TMEM86A: variants seen among roughly 807,000 people sequenced by gnomAD.
TMEM86A encodes lysoplasmalogenase TMEM86A.
Under a neutral mutation model 19.8 loss-of-function variants are expected in TMEM86A, and 13 were observed. The ratio of observed to expected loss-of-function variants is 0.66; its 90% CI spans 0.43 to 1.04. TMEM86A has a LOEUF of 1.04. Among genes scored for constraint, TMEM86A ranks in the 50% least tolerant of loss-of-function variants. The pLI is 0.00. For synonymous variants in TMEM86A, 128 were observed against 129.9 expected (o/e 0.99, Z 0.10); for missense variants, 248 against 306.8 (o/e 0.81, Z 1.43).
rs1848128621 is a variant in TMEM86A at position 18,699,189 on chromosome 11, C to G, written c.21+282C>G. On this transcript the variant is annotated intron_variant, in intron 1 of 2. Coordinates refer to ENST00000280734, the MANE Select transcript of TMEM86A (RefSeq NM_153347.3). This position sits in a 1 kb window ranked among gnomAD's most constrained non-coding sequence, Gnocchi z 4.0. ...TGATCTCCATGTATTTGGCGCGGGT[C>G]GGCGGGGTCGCGGCCCGGGAGAGGG... Among the ~76,000 whole-genome samples, 1 of 152,200 alleles carries G rather than the reference C, an allele frequency of 6.6e-6. No individual in the cohort carries two copies. Among genetic ancestry groups the G allele is most frequent in the Non-Finnish European group, 1.5e-5 (1 of 68,024 alleles).
chr11:18,700,546 G>A, intron 1 of TMEM86A: 1 of 250,496 alleles, frequency 4.0e-6, no homozygotes. Flanking sequence ...TGAGGATCAC[G>A]AGTTGGCCAG....
At chr11:18,700,174 G>C (rs1201617843) in intron 1 of TMEM86A, 1 of 152,296 alleles carries the variant, frequency 6.6e-6, no homozygotes, top group African/African-American at 2.4e-5. Context: ...GCTGGGAATA[G>C]AACCTCTCCC....
Position 18,701,912 on chromosome 11 carries a change from T to C in TMEM86A, c.626T>C (p.Ile209Thr), listed in dbSNP as rs1848154713. Residue 209 changes from isoleucine (I) to threonine (T), a missense_variant, in exon 3 of 3, where the codon ATC becomes ACC. Coordinates refer to ENST00000280734, the MANE Select transcript of TMEM86A (RefSeq NM_153347.3). This position sits in a 1 kb window ranked among gnomAD's most constrained non-coding sequence, Gnocchi z 5.3. Reference sequence around the variant, plus strand: ...CCTGTGCCCTACTCTCGGGCGCTTATCATGTCCACCTACTATGTGGCCCAG... The same window carrying C: ...CCTGTGCCCTACTCTCGGGCGCTTACCATGTCCACCTACTATGTGGCCCAG... Reference protein sequence around the residue: ...CFPVPYSRALIMSTYYVAQML... With the variant: ...CFPVPYSRALTMSTYYVAQML... The C allele has an allele frequency of 6.2e-7, 1 of 1,614,078 alleles. No homozygotes were observed. The highest frequency in any genetic ancestry group is 8.5e-7 in the Non-Finnish European group (1 of 1,180,046).
rs1186610376 is a variant in TMEM86A, at chr11:18,699,083, C to T, written c.21+176C>T. ...CACCGCCCCCCGCTCCTCAGACTCG[C>T]GGCGCCCCTCCTCGCGCGCCCCCAG... On this transcript the variant is annotated intron_variant, in intron 1 of 2. Coordinates refer to ENST00000280734, the MANE Select transcript of TMEM86A (RefSeq NM_153347.3). The surrounding 1 kb of genome is among the most constrained non-coding windows in gnomAD (Gnocchi z 4.0). 4.1e-4 allele frequency among the ~76,000 whole-genome samples: 63 copies of T among 151,966 alleles called. No individual in the cohort carries two copies.
rs1011396228 is a variant in TMEM86A, at chr11:18,699,196, G to C, written c.21+289G>C. On this transcript the variant is annotated intron_variant, in intron 1 of 2. Coordinates refer to ENST00000280734, the MANE Select transcript of TMEM86A (RefSeq NM_153347.3). The surrounding 1 kb of genome is among the most constrained non-coding windows in gnomAD (Gnocchi z 4.0). ...CATGTATTTGGCGCGGGTCGGCGGG[G>C]TCGCGGCCCGGGAGAGGGAGGGGAC... Among the ~76,000 whole-genome samples, 1 of 152,350 alleles carries C rather than the reference G, an allele frequency of 6.6e-6. No homozygotes were observed. Among genetic ancestry groups the C allele is most frequent in the Non-Finnish European group, 1.5e-5 (1 of 68,032 alleles).
In TMEM86A at chr11:18,704,694, C is replaced by G. The variant is rs759508959; in HGVS notation, c.*2685C>G. 1.1e-5 allele frequency: 7 copies of G among 622,334 alleles called. No individual in the cohort carries two copies. Among genetic ancestry groups the G allele is most frequent in the Non-Finnish European group, 2.0e-5 (7 of 345,888 alleles). 38.6% of individuals were successfully genotyped at this position (622,334 alleles called of 1,614,324 possible). On this transcript the variant is annotated 3_prime_UTR_variant, in exon 3 of 3. Coordinates refer to ENST00000280734, the MANE Select transcript of TMEM86A (RefSeq NM_153347.3). ...TGAAGGGGCAAGAGCTGCCATTTATCTAGCACTTAATATTTGCCAGACATT... is the reference window on the plus strand; with the variant it reads ...TGAAGGGGCAAGAGCTGCCATTTATGTAGCACTTAATATTTGCCAGACATT...
chr11:18,703,164 AT>A lies in TMEM86A; in HGVS notation c.*1156del, dbSNP rs1207725827. The A allele has an allele frequency of 6.6e-6, 1 of 152,406 alleles. No individual in the cohort carries two copies. Among genetic ancestry groups the A allele is most frequent in the Non-Finnish European group, 1.5e-5 (1 of 68,062 alleles). 9.4% of individuals were successfully genotyped at this position (152,406 alleles called of 1,614,324 possible). On this transcript the variant is annotated 3_prime_UTR_variant, in exon 3 of 3. Coordinates refer to ENST00000280734, the MANE Select transcript of TMEM86A (RefSeq NM_153347.3). ...GGCACATGCCTATCTTGGAGAGGGCATGGGGGCATGGTGCCAGAGGCTCTGG... is the reference window on the plus strand; with the variant it reads ...GGCACATGCCTATCTTGGAGAGGGCAGGGGGCATGGTGCCAGAGGCTCTGG...
In TMEM86A at chr11:18,699,173, T is replaced by C. The variant is rs568127532; in HGVS notation, c.21+266T>C. Among the ~76,000 whole-genome samples the C allele has an allele frequency of 6.6e-6, 1 of 152,012 alleles. No individual in the cohort carries two copies. The highest frequency in any genetic ancestry group is 1.5e-5 in the Non-Finnish European group (1 of 67,978). On this transcript the variant is annotated intron_variant, in intron 1 of 2. Transcript: ENST00000280734. This position sits in a 1 kb window ranked among gnomAD's most constrained non-coding sequence, Gnocchi z 4.0. ...GGAAGCGTGACTTTGTTGATCTCCATGTATTTGGCGCGGGTCGGCGGGGTC... is the reference window on the plus strand; with the variant it reads ...GGAAGCGTGACTTTGTTGATCTCCACGTATTTGGCGCGGGTCGGCGGGGTC...
chr11:18,700,784 C>A, intron 1 of TMEM86A, 149 bp from the exon 2 acceptor site: 1 of 1,120,840 alleles, frequency 8.9e-7, no homozygotes, highest in Non-Finnish European at 1.3e-6. Context: ...GCAGGCCAGG[C>A]TGGGTTTCTC....
Position 18,701,066 on chromosome 11 carries a change from T to A in TMEM86A, c.155T>A (p.Leu52His), listed in dbSNP as rs751424862. 1 of 1,614,196 alleles carries A rather than the reference T, an allele frequency of 6.2e-7. No individual in the cohort carries two copies. Among genetic ancestry groups the A allele is most frequent in the South Asian group, 1.1e-5 (1 of 91,084 alleles). ...IKCLPIFCLW[L>H]FLLAHGLGFL... Reference sequence around the variant, plus strand: ...TGCCTGCCTATCTTCTGCCTCTGGCTCTTCCTTCTGGCCCATGGCCTGGGA... The same window carrying A: ...TGCCTGCCTATCTTCTGCCTCTGGCACTTCCTTCTGGCCCATGGCCTGGGA... The change falls in exon 2 of 3, where the codon CTC (leucine) becomes CAC (histidine). Residue 52 changes from leucine (L) to histidine (H), a missense_variant. Leu to His is a moderately conservative substitution (Grantham distance 99). Coordinates refer to ENST00000280734, the MANE Select transcript of TMEM86A (RefSeq NM_153347.3). The surrounding 1 kb of genome is among the most constrained non-coding windows in gnomAD (Gnocchi z 5.3).
chr11:18,702,097 G>A lies in TMEM86A; in HGVS notation c.*88G>A, dbSNP rs1590429207. The A allele has an allele frequency of 1.4e-6, 2 of 1,397,728 alleles. No individual in the cohort carries two copies. Among genetic ancestry groups the A allele is most frequent in the East Asian group, 4.6e-5 (2 of 43,562 alleles). The allele number at this position is 1,397,728 out of a possible 1,614,324, so 86.6% of individuals were successfully genotyped here. A position where few individuals can be genotyped will look rare whatever the true frequency, so the allele number is the denominator to read the frequency against. On this transcript the variant is annotated 3_prime_UTR_variant, in exon 3 of 3. Transcript: ENST00000280734. ...CAGGAGCTGGATCAGGATGGCTGCAGTGCCAGCCTGGGGCAGCAGGTACTG... is the reference window on the plus strand; with the variant it reads ...CAGGAGCTGGATCAGGATGGCTGCAATGCCAGCCTGGGGCAGCAGGTACTG...
At position 18,701,848 on chromosome 11, in the gene TMEM86A, A is replaced by T; in HGVS notation, c.562A>T (p.Ile188Phe). Residue 188 changes from isoleucine to phenylalanine, a missense_variant, in exon 3 of 3, where the codon ATC (isoleucine) becomes TTC (phenylalanine). Physicochemically the swap from Ile to Phe is conservative, Grantham distance 21. Transcript: ENST00000280734. This position sits in a 1 kb window ranked among gnomAD's most constrained non-coding sequence, Gnocchi z 5.3. ...AAGSGALFFI[I>F]SDLTIALNKF... is the part of the protein sequence containing the mutation. ...TGGCAGTGGTGCACTCTTCTTTATCATCTCAGACCTGACCATCGCCCTCAA... is the reference window on the plus strand; with the variant it reads ...TGGCAGTGGTGCACTCTTCTTTATCTTCTCAGACCTGACCATCGCCCTCAA... 6.2e-7 allele frequency: 1 copy of T among 1,614,046 alleles called. No homozygotes were observed. Among genetic ancestry groups the T allele is most frequent in the Non-Finnish European group, 8.5e-7 (1 of 1,180,014 alleles).
Position 18,702,881 on chromosome 11 carries a change from G to T in TMEM86A, c.*872G>T, listed in dbSNP as rs560881591. On this transcript the variant is annotated 3_prime_UTR_variant, in exon 3 of 3. Transcript: ENST00000280734. ...AAGTCTCACAGAGAGAGGGCCTCAG[G>T]GAGCTGCTGAGGGGTGCTGAGCCTG... The T allele has an allele frequency of 2.3e-4, 35 of 153,234 alleles. No individual in the cohort carries two copies. The highest frequency in any genetic ancestry group is 8.4e-4 in the African/African-American group (35 of 41,558). 9.5% of individuals were successfully genotyped at this position (153,234 alleles called of 1,614,324 possible).
At position 18,701,226 on chromosome 11, in the gene TMEM86A, G is replaced by A; in HGVS notation, c.286+29G>A. 1 of 1,606,620 alleles carries A rather than the reference G, an allele frequency of 6.2e-7. No individual in the cohort carries two copies. Among genetic ancestry groups the A allele is most frequent in the South Asian group, 1.1e-5 (1 of 90,692 alleles). ...AGTGGCCATAGTAGTTGCCTGGGAGGAGTCCTGGGGCTGGGGGATAGAGGG... is the reference window on the plus strand; with the variant it reads ...AGTGGCCATAGTAGTTGCCTGGGAGAAGTCCTGGGGCTGGGGGATAGAGGG... On this transcript the variant is annotated intron_variant, in intron 2 of 2. Coordinates refer to ENST00000280734, the MANE Select transcript of TMEM86A (RefSeq NM_153347.3). The surrounding 1 kb of genome is among the most constrained non-coding windows in gnomAD (Gnocchi z 5.3).
Position 18,701,882 on chromosome 11 carries a change from GTTT to G in TMEM86A, c.598_600del (p.Phe200del), listed in dbSNP as rs758131502. On this transcript the variant is annotated inframe_deletion, in exon 3 of 3. Transcript: ENST00000280734. This position sits in a 1 kb window ranked among gnomAD's most constrained non-coding sequence, Gnocchi z 5.3. ...CTGACCATCGCCCTCAACAAATTCT[GTTT>G]TCCTGTGCCCTACTCTCGGGCGCTT... 1.9e-5 allele frequency: 30 copies of G among 1,614,018 alleles called. No individual in the cohort carries two copies. Among genetic ancestry groups the G allele is most frequent in the Non-Finnish European group, 2.5e-5 (30 of 1,180,054 alleles).
chr11:18,704,263 TCA>T lies in TMEM86A; in HGVS notation c.*2257_*2258del. 1.8e-6 allele frequency: 1 copy of T among 551,968 alleles called. No homozygotes were observed. Among genetic ancestry groups the T allele is most frequent in the Non-Finnish European group, 3.3e-6 (1 of 306,596 alleles). 34.2% of individuals were successfully genotyped at this position (551,968 alleles called of 1,614,324 possible). A position where few individuals can be genotyped will look rare whatever the true frequency, so the allele number is the denominator to read the frequency against. ...AGGTCTGGGATTCCCTATCATGCAA[TCA>T]CATCCATCCCCTTGGTCCCTGCTGT... On this transcript the variant is annotated 3_prime_UTR_variant, in exon 3 of 3. Coordinates refer to ENST00000280734, the MANE Select transcript of TMEM86A (RefSeq NM_153347.3).
rs1049762306 is a variant in TMEM86A, at chr11:18,699,892, C to T, written c.21+985C>T. The T allele has an allele frequency of 7.2e-5, 11 of 152,464 alleles. No homozygotes were observed. Among genetic ancestry groups the T allele is most frequent in the African/African-American group, 2.7e-4 (11 of 41,452 alleles). 9.4% of individuals were successfully genotyped at this position (152,464 alleles called of 1,614,324 possible). A position where few individuals can be genotyped will look rare whatever the true frequency, so the allele number is the denominator to read the frequency against. On this transcript the variant is annotated intron_variant, in intron 1 of 2. Transcript: ENST00000280734. The surrounding 1 kb of genome is among the most constrained non-coding windows in gnomAD (Gnocchi z 4.0). ...GCTCACCTAGCCAGAGACACAATCG[C>T]TTTGGGCAGAGTGTGGGTGTACAGG...
intron 1 of TMEM86A, 102 bp from the exon 2 acceptor site, chr11:18,700,831 T>G: frequency 6.8e-7 from 1 of 1,476,070 alleles, no homozygotes; most frequent in Non-Finnish European, 9.2e-7. Context: ...GGAAGTGAGG[T>G]GGGGGTATGG....
In TMEM86A at chr11:18,704,217, G is replaced by C. The variant is rs1590430370; in HGVS notation, c.*2208G>C. 2.1e-6 allele frequency: 1 copy of C among 466,188 alleles called. No individual in the cohort carries two copies. The highest frequency in any genetic ancestry group is 2.0e-5 in the African/African-American group (1 of 51,084). The allele number at this position is 466,188 out of a possible 1,614,324, so 28.9% of individuals were successfully genotyped here. On this transcript the variant is annotated 3_prime_UTR_variant, in exon 3 of 3. Transcript: ENST00000280734. Reference sequence around the variant, plus strand: ...TGGTCACTGCCTTGTGGGTGGGTTTGGACTAGGCTTTCAGGGGTCCAGGTC... The same window carrying C: ...TGGTCACTGCCTTGTGGGTGGGTTTCGACTAGGCTTTCAGGGGTCCAGGTC...
Sources: gnomAD v4.1 joint callset for allele counts (sites outside exome capture counted in the v4.1 genomes callset) on GRCh38, gnomAD v4.1.1 for gene constraint, Gnocchi (gnomAD v3.1) non-coding constraint, MANE v1.5 for transcripts, NCBI Gene and HGNC (gene_info 2026-07-23, HGNC 2026-07-21) for gene names.